LAMA1: variants seen among roughly 807,000 people sequenced by gnomAD.
LAMA1 encodes the protein laminin subunit alpha-1.
Under a neutral mutation model 348.7 loss-of-function variants are expected in LAMA1, and 219 were observed. The ratio of observed to expected loss-of-function variants is 0.63; its 90% CI spans 0.56 to 0.70. The LOEUF is 0.70. LAMA1 is among the 30% of genes least tolerant of loss of function. LAMA1 has a pLI of 0.00. For missense variants in LAMA1, 3,744 were observed against 3,888.0 expected (o/e 0.96, Z 0.99); for synonymous variants, 1,487 against 1,491.0 (o/e 1.00, Z 0.06).
chr18:7,007,028 A>T, intron 29 of LAMA1, 111 bp downstream of exon 29: 1 of 1,455,368 alleles, frequency 6.9e-7, no homozygotes, highest in Non-Finnish European at 9.4e-7. Context: ...TATTTAGCTA[A>T]ATTTAACCTC....
chr18:7,116,411 G>A (rs894118270), intron 1 of LAMA1, among the ~76,000 whole-genome samples: 1 of 152,170 alleles, frequency 6.6e-6, no homozygotes, highest in Non-Finnish European at 1.5e-5. Context: ...CCTCTTCCCA[G>A]CCTGGCTCTG....
rs771666646 is a variant in LAMA1 at position 6,975,023 on chromosome 18, G to T, written c.6503C>A (p.Ala2168Glu). The change falls in exon 46 of 63, where the codon GCA becomes GAA. Residue 2168 changes from alanine to glutamate, a missense_variant. This residue lies in a region of LAMA1 where 1,983 missense variants were observed against 1,934.3 expected (regional missense o/e 1.03). Transcript: ENST00000389658. ...LGSSTASDFLAVEMRRGRVAF... is the reference protein window; with the variant it reads ...LGSSTASDFLEVEMRRGRVAF... ...CACTCTCCCTCGCCGCATCTCCACT[G>T]CAAGGAAATCAGACTGGGGGGCGAG... 6.2e-7 allele frequency: 1 copy of T among 1,613,854 alleles called. No homozygotes were observed. The highest frequency in any genetic ancestry group is 1.1e-5 in the South Asian group (1 of 91,052).
At chr18:6,949,290 T>C (rs771261309) in intron 58 of LAMA1, 31 bp from the exon 59 acceptor site, 1 of 1,612,250 alleles carries the variant, frequency 6.2e-7, no homozygotes. Context: ...GCATAATTTT[T>C]GAGGAATCTG....
At chr18:7,025,432 G>GGCCTCACT (rs1491345494) in intron 17 of LAMA1, among the ~76,000 whole-genome samples, 3 of 152,198 alleles carry the variant, frequency 2.0e-5, no homozygotes, top group Non-Finnish European at 2.9e-5. Flanking sequence ...CTGGTGGACA[G>GGCCTCACT]GCCTCACTAC....
At chr18:7,073,826 G>T (rs1193614900) in intron 3 of LAMA1, among the ~76,000 whole-genome samples, 1 of 132,742 alleles carries the variant, frequency 7.5e-6, no homozygotes, top group Non-Finnish European at 1.6e-5. Flanking sequence ...TACTGGTTGT[G>T]TGTGTGTGTG....
chr18:7,039,010 A>T, intron 10 of LAMA1, 60 bp from the exon 11 acceptor site: 1 of 1,401,672 alleles, frequency 7.1e-7, no homozygotes, highest in South Asian at 1.2e-5. Flanking sequence ...GAGAGAATAA[A>T]ATGACATTAA....
At chr18:7,021,917 C>T (rs946377399) in intron 19 of LAMA1, among the ~76,000 whole-genome samples, 12 of 147,138 alleles carry the variant, frequency 8.2e-5, no homozygotes, top group Admixed American at 4.8e-4. Context: ...ATAATAGCTG[C>T]CATTTATTTC....
At chr18:6,985,949 G>A (rs367808652) in intron 37 of LAMA1, among the ~76,000 whole-genome samples, 188 bp downstream of exon 37, 202 of 152,122 alleles carry the variant, frequency 1.3e-3, no homozygotes, top group African/African-American at 4.7e-3. Flanking sequence ...AGTAGAGACC[G>A]GGGTTTCACC....
intron 3 of LAMA1, 46 bp downstream of exon 3, chr18:7,079,929 G>T: frequency 7.4e-7 from 1 of 1,358,206 alleles, no homozygotes; most frequent in Non-Finnish European, 1.1e-6. Flanking sequence ...GAAGACCACA[G>T]CTCAGCAGCC....
Position 6,955,426 on chromosome 18 carries a change from C to T in LAMA1, c.8134G>A (p.Gly2712Ser), listed in dbSNP as rs149861792. The T allele has an allele frequency of 1.2e-5, 19 of 1,613,968 alleles. No homozygotes were observed. Among genetic ancestry groups the T allele is most frequent in the African/African-American group, 9.3e-5 (7 of 74,872 alleles). The change falls in exon 57 of 63, where the codon GGC becomes AGC. Residue 2712 changes from glycine (G) to serine (S), a missense_variant. Coordinates refer to ENST00000389658, the MANE Select transcript of LAMA1 (RefSeq NM_005559.4). ...TGTGTGAGACCAAACTGGTGAGCGC[C>T]GGGAACGTACTCCAGAGCTGCATCC... ...VVDAALEYVP[G>S]AHQFGLTQNS...
chr18:6,955,837 C>A (rs567342492), intron 56 of LAMA1: 1 of 362,870 alleles, frequency 2.8e-6, no homozygotes, highest in South Asian at 2.2e-5. Context: ...GCTGCCGAGA[C>A]GAGCTGCGGA....
intron 14 of LAMA1, among the ~76,000 whole-genome samples, chr18:7,033,774 G>C (rs2057981983): frequency 6.6e-6 from 1 of 151,088 alleles, no homozygotes; most frequent in Non-Finnish European, 1.5e-5. Flanking sequence ...TCGTTGTGCT[G>C]CCCCAGCTGG....
chr18:7,082,130 T>C (rs2143786037), intron 1 of LAMA1, among the ~76,000 whole-genome samples: 1 of 152,316 alleles, frequency 6.6e-6, no homozygotes, highest in Non-Finnish European at 1.5e-5. Flanking sequence ...AAAAACTTTT[T>C]ACATAAAACA....
At position 6,943,343 on chromosome 18, in the gene LAMA1, G is replaced by A. The variant is rs199752725; in HGVS notation, c.8904C>T (p.Thr2968=). 101 of 1,614,088 alleles carry A rather than the reference G, an allele frequency of 6.3e-5. No individual in the cohort carries two copies. In the East Asian group the frequency reaches 8.7e-4, roughly 14 times the overall value. Residue 2968 remains threonine, a synonymous_variant, in exon 62 of 63, where the codon ACC becomes ACT. Transcript: ENST00000389658. ...GRITAAYEPK[T]ATVLCDGKWH... Reference sequence around the variant, plus strand: ...ATTTTCCATCACAGAGCACAGTGGCGGTTTTGGGCTCATATGCAGCTGTTA... The same window carrying A: ...ATTTTCCATCACAGAGCACAGTGGCAGTTTTGGGCTCATATGCAGCTGTTA...
intron 61 of LAMA1, among the ~76,000 whole-genome samples, chr18:6,946,516 G>A (rs1038778562): frequency 1.5e-4 from 23 of 152,136 alleles, no homozygotes; most frequent in African/African-American, 2.2e-4. Context: ...TCAGGAGTTC[G>A]AGAACAGCCT....
At chr18:7,117,601 G>A (rs1265720166) in intron 1 of LAMA1, 59 bp downstream of exon 1, 8 of 1,548,782 alleles carry the variant, frequency 5.2e-6, no homozygotes, top group East Asian at 2.3e-5. Context: ...TTTGTCCGCG[G>A]CCGCCCCCGC....
In LAMA1 at chr18:7,087,701, G is replaced by T. The variant is rs900250743; in HGVS notation, c.62-7244C>A. On this transcript the variant is annotated intron_variant, in intron 1 of 62. Coordinates refer to ENST00000389658, the MANE Select transcript of LAMA1 (RefSeq NM_005559.4). The stretch of plus-strand genomic sequence containing the variant: ...TCTGAAATCGCTAGTGCCTAGGAAA[G>T]ATGGCATTGATAAAGAGGAAGAACA... Among the ~76,000 whole-genome samples the T allele has an allele frequency of 5.9e-5, 9 of 152,338 alleles. No homozygotes were observed. In the East Asian group the frequency reaches 1.3e-3, roughly 23 times the overall value.
chr18:7,111,510 C>T (rs940996642), intron 1 of LAMA1, among the ~76,000 whole-genome samples: 12 of 152,220 alleles, frequency 7.9e-5, no homozygotes, highest in African/African-American at 2.7e-4. Flanking sequence ...GGCACTGTCA[C>T]ACCCAGTATA....
intron 51 of LAMA1, 132 bp from the exon 52 acceptor site, chr18:6,962,191 G>A: frequency 1.4e-6 from 1 of 719,198 alleles, no homozygotes; most frequent in Non-Finnish European, 2.5e-6. Flanking sequence ...GAAGGCTGAG[G>A]TAGAAGGATT....
Sources: allele counts gnomAD v4.1 joint callset (sites outside exome capture counted in the v4.1 genomes callset), GRCh38; gene constraint gnomAD v4.1.1; regional missense constraint gnomAD v4.1.1; transcripts MANE v1.5; gene names NCBI Gene and HGNC (gene_info 2026-07-23, HGNC 2026-07-21).